Variants in UBAC2 observed in about 807,000 individuals in gnomAD.
UBAC2 encodes ubiquitin-associated domain-containing protein 2.
UBAC2 carries 26 observed loss-of-function variants against 44.0 expected under a neutral mutation model. The ratio of observed to expected loss-of-function variants is 0.59; its 90% CI spans 0.43 to 0.82. The LOEUF (loss-of-function observed/expected upper bound fraction) is 0.82. Among genes scored for constraint, UBAC2 ranks in the 40% least tolerant of loss-of-function variants. UBAC2 has a pLI of 0.00. For synonymous variants in UBAC2, 155 were observed against 154.3 expected (o/e 1.00, Z -0.04); for missense variants, 329 against 419.4 (o/e 0.78, Z 1.88).
chr13:99,340,624 T>C (rs2044871813), intron 7 of UBAC2, 59 bp downstream of exon 7: 1 of 1,555,900 alleles, frequency 6.4e-7, no homozygotes, highest in African/African-American at 1.4e-5. Flanking sequence ...AGCAAATCTT[T>C]CCTCTGTGAT....
chr13:99,232,057 A>G (rs770936017), intron 1 of UBAC2, among the ~76,000 whole-genome samples: 28 of 152,178 alleles, frequency 1.8e-4, no homozygotes, highest in Non-Finnish European at 3.8e-4. Context: ...TACCATGTCT[A>G]CATGTGTATT....
chr13:99,314,073 ATTTT>A lies in UBAC2; in HGVS notation c.390-18_390-15del. On this transcript the variant is annotated intron_variant, in intron 4 of 8. Coordinates refer to ENST00000403766, the MANE Select transcript of UBAC2 (RefSeq NM_001144072.2). ...GTGTTTAAAATTCACTATTATAGTG[ATTTT>A]TTTTTATTTGTTTGCATAGCCTGGC... 1.3e-6 allele frequency: 2 copies of A among 1,574,436 alleles called. No homozygotes were observed. Among genetic ancestry groups the A allele is most frequent in the Non-Finnish European group, 1.7e-6 (2 of 1,160,390 alleles).
chr13:99,384,578 G>T (rs1241916187), intron 8 of UBAC2, among the ~76,000 whole-genome samples: 1 of 152,220 alleles, frequency 6.6e-6, no homozygotes, highest in African/African-American at 2.4e-5. Flanking sequence ...TGCTGCCCCA[G>T]GCTCAGCCCC....
chr13:99,346,068 G>C (rs2044975011), intron 7 of UBAC2, among the ~76,000 whole-genome samples: 1 of 152,086 alleles, frequency 6.6e-6, no homozygotes, highest in Non-Finnish European at 1.5e-5. Flanking sequence ...TGCTAAATTT[G>C]TTTCCCTTTC....
intron 4 of UBAC2, among the ~76,000 whole-genome samples, chr13:99,273,002 CTT>C (rs201905018): frequency 6.9e-5 from 9 of 129,996 alleles, no homozygotes; most frequent in Non-Finnish European, 3.3e-5. Context: ...ACAGGTTACT[CTT>C]TTTTTTTTTT....
intron 7 of UBAC2, among the ~76,000 whole-genome samples, chr13:99,347,319 G>GCCGCCCCCCCCCCCCCC (rs1555331218): frequency 4.9e-5 from 1 of 20,550 alleles, no homozygotes; most frequent in East Asian, 1.5e-3. Context: ...ATCCCCGGGC[G>GCCGCCCCCCCCCCCCCC]CCCCCCCCCC....
In UBAC2 at chr13:99,259,738, A is replaced by G. The variant is rs371016326; in HGVS notation, c.389+15114A>G. Among the ~76,000 whole-genome samples, 209 of 152,358 alleles carry G rather than the reference A, an allele frequency of 1.4e-3. 2 individuals carry two copies. Among genetic ancestry groups the G allele is most frequent in the African/African-American group, 4.9e-3 (204 of 41,576 alleles). On this transcript the variant is annotated intron_variant, in intron 4 of 8. Transcript: ENST00000403766. ...AGAAATCTGCCTGCATGCAGACCTA[A>G]TCTGTCCTTTGCCTTATTCACATAG...
chr13:99,335,775 A>G (rs188304610), intron 6 of UBAC2, among the ~76,000 whole-genome samples: 1 of 152,292 alleles, frequency 6.6e-6, no homozygotes, highest in African/African-American at 2.4e-5. Flanking sequence ...CTGCAGTGGA[A>G]TGAGCCTCAA....
chr13:99,236,368 A>G (rs1205762047), intron 1 of UBAC2, among the ~76,000 whole-genome samples: 1 of 152,252 alleles, frequency 6.6e-6, no homozygotes, highest in East Asian at 1.9e-4. Context: ...CTCAATAGCA[A>G]AAACCCAAAT....
At chr13:99,331,553 A>C (rs34600801) in intron 6 of UBAC2, among the ~76,000 whole-genome samples, 14,820 of 152,302 alleles carry the variant, frequency 0.097, 865 homozygotes, top group Middle Eastern at 0.15. Context: ...TATCATTTCT[A>C]TTCCCTCATA....
chr13:99,377,589 T>C (rs193047680), intron 8 of UBAC2: 1 of 152,322 alleles, frequency 6.6e-6, no homozygotes, highest in Admixed American at 6.5e-5. Context: ...ATTTATATAG[T>C]CATCAGAGTT....
intron 8 of UBAC2, among the ~76,000 whole-genome samples, chr13:99,383,749 C>A (rs1180425739): frequency 6.6e-6 from 1 of 152,222 alleles, no homozygotes; most frequent in Non-Finnish European, 1.5e-5. Context: ...CGGCACCCCC[C>A]GTTTGGAAAA....
chr13:99,305,644 G>T (rs540180800), intron 4 of UBAC2, among the ~76,000 whole-genome samples: 47 of 152,082 alleles, frequency 3.1e-4, no homozygotes, highest in Admixed American at 1.8e-3. Flanking sequence ...TAACTGACTG[G>T]TCATGGTACT....
At chr13:99,365,911 A>G (rs574092410) in intron 7 of UBAC2, among the ~76,000 whole-genome samples, 4 of 152,146 alleles carry the variant, frequency 2.6e-5, no homozygotes, top group African/African-American at 9.6e-5. Flanking sequence ...TTTTGATGCC[A>G]TTGTGTTACA....
intron 1 of UBAC2, among the ~76,000 whole-genome samples, chr13:99,228,305 T>C (rs1042475540): frequency 2.0e-5 from 3 of 147,990 alleles, no homozygotes; most frequent in African/African-American, 7.3e-5. Flanking sequence ...TTTTTTTTTT[T>C]GATACGGAAT....
intron 4 of UBAC2, among the ~76,000 whole-genome samples, chr13:99,278,512 C>T (rs2043912650): frequency 6.6e-6 from 1 of 152,090 alleles, no homozygotes; most frequent in Non-Finnish European, 1.5e-5. Context: ...ATTATTGTGT[C>T]TCTGCTTTGA....
chr13:99,361,256 T>C (rs1229772696), intron 7 of UBAC2, among the ~76,000 whole-genome samples: 1 of 152,196 alleles, frequency 6.6e-6, no homozygotes, highest in East Asian at 1.9e-4. Flanking sequence ...GTTTCCTTCT[T>C]CACTTTTAAA....
chr13:99,292,287 C>T lies in UBAC2; in HGVS notation c.390-21810C>T, dbSNP rs1487586556. 2.6e-5 allele frequency among the ~76,000 whole-genome samples: 4 copies of T among 151,552 alleles called. No individual in the cohort carries two copies. The East Asian group carries it at 7.7e-4, about 29-fold the overall frequency. On this transcript the variant is annotated intron_variant, in intron 4 of 8. Transcript: ENST00000403766. ...AGTAGCTGGGACTACAGGCGCCCAC[C>T]ACCACGCCCAGCTAATTTTTTTTTT... is the stretch of plus-strand genomic sequence containing the variant.
intron 6 of UBAC2, among the ~76,000 whole-genome samples, chr13:99,331,974 G>C (rs906664828): frequency 6.6e-6 from 1 of 151,880 alleles, no homozygotes; most frequent in Non-Finnish European, 1.5e-5. Flanking sequence ...GGCCTTGAGG[G>C]CACATGAAGT....
Sources: allele counts gnomAD v4.1 joint callset (sites outside exome capture counted in the v4.1 genomes callset), GRCh38; gene constraint gnomAD v4.1.1; transcripts MANE v1.5; gene names NCBI Gene and HGNC (gene_info 2026-07-23, HGNC 2026-07-21).